Variants in PAPPA2 observed in about 807,000 individuals in gnomAD.
PAPPA2 encodes the protein pappalysin 2.
A neutral mutation model predicts 176.4 loss-of-function variants in PAPPA2; 86 were observed. The observed-to-expected ratio is 0.49, with a 90% CI of 0.41 to 0.58. PAPPA2 has a LOEUF of 0.58. PAPPA2 is among the 20% of genes least tolerant of loss of function. PAPPA2 has a pLI of 0.00. For missense variants in PAPPA2, 2,073 were observed against 2,256.9 expected (o/e 0.92, Z 1.65); for synonymous variants, 809 against 852.2 (o/e 0.95, Z 0.88).
At chr1:176,603,298 C>A (rs575046620) in intron 3 of PAPPA2, among the ~76,000 whole-genome samples, 2 of 152,230 alleles carry the variant, frequency 1.3e-5, no homozygotes. Flanking sequence ...GACAGCTGCA[C>A]ACTTACACAT....
At chr1:176,775,520 A>T (rs371467209) in intron 17 of PAPPA2, among the ~76,000 whole-genome samples, 62 of 152,304 alleles carry the variant, frequency 4.1e-4, no homozygotes, top group Middle Eastern at 6.8e-3. Context: ...TTTATGCCTG[A>T]TTAGTACCAC....
At chr1:176,643,838 G>A (rs1657238923) in intron 3 of PAPPA2, among the ~76,000 whole-genome samples, 1 of 151,820 alleles carries the variant, frequency 6.6e-6, no homozygotes, top group African/African-American at 2.4e-5. Context: ...TAGAAGAGAT[G>A]TGCTCTCCAG....
intron 6 of PAPPA2, among the ~76,000 whole-genome samples, chr1:176,693,396 C>T (rs866230746): frequency 6.6e-6 from 1 of 152,334 alleles, no homozygotes; most frequent in African/African-American, 2.4e-5. Context: ...AGTGGAAATT[C>T]GGGAATAAGG....
intron 14 of PAPPA2, 151 bp from the exon 15 acceptor site, chr1:176,765,515 A>G (rs1663921025): frequency 1.5e-6 from 1 of 678,830 alleles, no homozygotes; most frequent in Non-Finnish European, 2.5e-6. Context: ...GGTGTTGGGT[A>G]GTAGAGAAAA....
intron 1 of PAPPA2, among the ~76,000 whole-genome samples, chr1:176,538,543 G>T (rs6671581): frequency 0.83 from 126,449 of 152,148 alleles, 52,694 homozygotes; most frequent in East Asian, 1. Flanking sequence ...TAGATTTTCC[G>T]CTGAACAAGG....
At chr1:176,828,641 TA>T (rs1666950937) in intron 21 of PAPPA2, among the ~76,000 whole-genome samples, 1 of 152,108 alleles carries the variant, frequency 6.6e-6, no homozygotes, top group Admixed American at 6.6e-5. Flanking sequence ...TACAATTGCA[TA>T]TACATACATA....
At chr1:176,825,973 T>C (rs367979613) in intron 21 of PAPPA2, among the ~76,000 whole-genome samples, 2 of 152,186 alleles carry the variant, frequency 1.3e-5, no homozygotes, top group South Asian at 4.1e-4. Context: ...ATAACATTAT[T>C]GAGTGTTTTT....
At chr1:176,706,248 A>T in intron 9 of PAPPA2, 111 bp from the exon 10 acceptor site, 2 of 889,918 alleles carry the variant, frequency 2.2e-6, no homozygotes. Context: ...CTTTTTTCCA[A>T]CTTGCACTTT....
chr1:176,677,729 A>G (rs1659378198), intron 4 of PAPPA2, among the ~76,000 whole-genome samples: 1 of 152,124 alleles, frequency 6.6e-6, no homozygotes, highest in Non-Finnish European at 1.5e-5. Flanking sequence ...CGATTCATTC[A>G]AAGAAAAACT....
intron 21 of PAPPA2, among the ~76,000 whole-genome samples, chr1:176,824,256 A>G (rs138575285): frequency 1.1e-3 from 160 of 152,298 alleles, no homozygotes; most frequent in Middle Eastern, 6.8e-3. Flanking sequence ...TGCTATTTGT[A>G]TGTGTTTTTG....
intron 21 of PAPPA2, among the ~76,000 whole-genome samples, chr1:176,815,152 A>G (rs922393577): frequency 3.3e-5 from 5 of 152,174 alleles, no homozygotes; most frequent in Non-Finnish European, 7.3e-5. Context: ...GACTAACCCA[A>G]CAGTAAAGTG....
intron 20 of PAPPA2, among the ~76,000 whole-genome samples, chr1:176,794,559 G>T (rs1665340176): frequency 6.6e-6 from 1 of 152,168 alleles, no homozygotes; most frequent in South Asian, 2.1e-4. Context: ...GTGCACGTGT[G>T]TGTATATACA....
At chr1:176,468,661 A>G (rs374026123) in intron 1 of PAPPA2, among the ~76,000 whole-genome samples, 17 of 152,084 alleles carry the variant, frequency 1.1e-4, no homozygotes, top group East Asian at 9.6e-4. Context: ...CTCATCTTTC[A>G]TGTGAAGGCA....
chr1:176,680,305 C>T (rs1449814947), intron 4 of PAPPA2, among the ~76,000 whole-genome samples: 20 of 151,948 alleles, frequency 1.3e-4, no homozygotes, highest in Admixed American at 1.2e-3. Context: ...TTATAAATAG[C>T]GAGTGTTCAT....
intron 3 of PAPPA2, among the ~76,000 whole-genome samples, chr1:176,669,081 C>T (rs766017381): frequency 6.6e-6 from 1 of 152,088 alleles, no homozygotes; most frequent in African/African-American, 2.4e-5. Flanking sequence ...CAGTAACACA[C>T]AGATAGCCCA....
chr1:176,592,452 C>T (rs1653723734), intron 2 of PAPPA2, among the ~76,000 whole-genome samples: 1 of 152,050 alleles, frequency 6.6e-6, no homozygotes, highest in South Asian at 2.1e-4. Flanking sequence ...TCAGAGTGGT[C>T]CATCTTCTAT....
chr1:176,634,809 GATA>G lies in PAPPA2; in HGVS notation c.1992-36160_1992-36158del, dbSNP rs1252399109. Among the ~76,000 whole-genome samples, 7 of 133,546 alleles carry G rather than the reference GATA, an allele frequency of 5.2e-5. No individual in the cohort carries two copies. In the Admixed American group the frequency reaches 5.4e-4, roughly 10 times the overall value. 87.6% of individuals were successfully genotyped at this position (133,546 alleles called of 152,430 possible). On this transcript the variant is annotated intron_variant, in intron 3 of 22. Coordinates refer to ENST00000367662, the MANE Select transcript of PAPPA2 (RefSeq NM_020318.3). ...AAATTTCCAAGGAGAGAGATAGATA[GATA>G]GATAGATAGATAGATAGATAGATAG... is the stretch of plus-strand genomic sequence containing the variant.
intron 21 of PAPPA2, among the ~76,000 whole-genome samples, chr1:176,812,743 C>A (rs1456657004): frequency 6.6e-6 from 1 of 151,938 alleles, no homozygotes; most frequent in East Asian, 1.9e-4. Context: ...TGAGTGCTAG[C>A]AATGCATTTT....
chr1:176,761,403 G>A (rs1663693504), intron 14 of PAPPA2, among the ~76,000 whole-genome samples: 1 of 152,166 alleles, frequency 6.6e-6, no homozygotes, highest in Admixed American at 6.5e-5. Context: ...TTGTAATGGG[G>A]TGGGGAAAGA....
Sources: gnomAD v4.1 joint callset for allele counts (sites outside exome capture counted in the v4.1 genomes callset) on GRCh38, gnomAD v4.1.1 for gene constraint, MANE v1.5 for transcripts, NCBI Gene and HGNC (gene_info 2026-07-23, HGNC 2026-07-21) for gene names.